KSR1: variants seen among roughly 807,000 people sequenced by gnomAD.
The protein encoded by KSR1 is kinase suppressor of ras 1.
KSR1 carries 35 observed loss-of-function variants against 92.9 expected under a neutral mutation model. The ratio of observed to expected loss-of-function variants is 0.38; its 90% confidence interval spans 0.29 to 0.50. The LOEUF (loss-of-function observed/expected upper bound fraction) is 0.50, where lower values mean the gene tolerates loss of function less well. KSR1 is among the 20% of genes least tolerant of loss of function. The pLI is 0.94. For synonymous variants in KSR1, 467 were observed against 472.6 expected, an observed-to-expected ratio of 0.99 and a Z score of 0.15; for missense variants, 972 against 1,158.5, an observed-to-expected ratio of 0.84 and a Z score of 2.34.
At chr17:27,552,280 G>A (rs565911619) in intron 2 of KSR1, among the ~76,000 whole-genome samples, 5 of 152,314 alleles carry the variant, frequency 3.3e-5, no homozygotes, top group South Asian at 2.1e-4. Flanking sequence ...CATGAGACAC[G>A]GCCTTGCTGT....
At chr17:27,468,982 T>C (rs1199246976) in intron 1 of KSR1, among the ~76,000 whole-genome samples, 1 of 152,214 alleles carries the variant, frequency 6.6e-6, no homozygotes, top group African/African-American at 2.4e-5. Context: ...CCCTTCCTTT[T>C]CCTTGTTGCT....
chr17:27,602,141 G>A (rs993656287), intron 11 of KSR1, among the ~76,000 whole-genome samples: 1 of 152,038 alleles, frequency 6.6e-6, no homozygotes, highest in African/African-American at 2.4e-5. Context: ...GAACAGGACT[G>A]TCTTGAAGTC....
At chr17:27,532,710 A>T (rs952854662) in intron 1 of KSR1, among the ~76,000 whole-genome samples, 2 of 152,174 alleles carry the variant, frequency 1.3e-5, no homozygotes, top group Admixed American at 1.3e-4. Context: ...ACTCTCTCCC[A>T]GGCGCTGCTT....
At chr17:27,550,933 C>T (rs771575471) in intron 2 of KSR1, among the ~76,000 whole-genome samples, 3 of 152,166 alleles carry the variant, frequency 2.0e-5, no homozygotes, top group Non-Finnish European at 2.9e-5. Context: ...GGCAGCCCCA[C>T]GCTGGGCATT....
intron 6 of KSR1, 102 bp from the exon 7 acceptor site, chr17:27,590,709 G>A (rs2073135009): frequency 1.8e-6 from 2 of 1,092,098 alleles, no homozygotes; most frequent in South Asian, 1.4e-5. Context: ...CTGGGATGGA[G>A]CCAAGACTCC....
rs2073777362 is a variant in KSR1 at position 27,607,059 on chromosome 17, T to C, written c.1995-855T>C. 1.3e-5 allele frequency among the ~76,000 whole-genome samples: 2 copies of C among 152,122 alleles called. 1 individual carries two copies. The highest frequency in any genetic ancestry group is 4.1e-4 in the South Asian group (2 of 4,826). On this transcript the variant is annotated intron_variant, in intron 14 of 20. Coordinates refer to ENST00000644974, the MANE Select transcript of KSR1 (RefSeq NM_001394583.1). ...GTTGGCCAGGCTGGTCTCAAACTCTTGACCTGAGGTGATCCGCCCACCTCA... is the reference window on the plus strand; with the variant it reads ...GTTGGCCAGGCTGGTCTCAAACTCTCGACCTGAGGTGATCCGCCCACCTCA...
chr17:27,591,161 G>A (rs1567863169), intron 7 of KSR1, among the ~76,000 whole-genome samples: 1 of 152,188 alleles, frequency 6.6e-6, no homozygotes, highest in African/African-American at 2.4e-5. Flanking sequence ...GGAGGAATAT[G>A]AGGACTGTTC....
chr17:27,566,573 G>A, intron 2 of KSR1: 1 of 399,144 alleles, frequency 2.5e-6, no homozygotes, highest in Non-Finnish European at 4.4e-6. Flanking sequence ...AGGATTATGA[G>A]GTAGGCACGG....
intron 1 of KSR1, among the ~76,000 whole-genome samples, chr17:27,538,859 G>A (rs1205252277): frequency 6.6e-6 from 1 of 152,190 alleles, no homozygotes; most frequent in Non-Finnish European, 1.5e-5. Flanking sequence ...CCTTGCCCCT[G>A]TCCAGCCCTT....
chr17:27,618,836 T>C (rs987487612), intron 19 of KSR1, among the ~76,000 whole-genome samples: 1 of 152,184 alleles, frequency 6.6e-6, no homozygotes, highest in Non-Finnish European at 1.5e-5. Context: ...AAGAATAGTT[T>C]TAACTTTCTG....
At chr17:27,512,488 C>T (rs560467852) in intron 1 of KSR1, among the ~76,000 whole-genome samples, 4 of 152,088 alleles carry the variant, frequency 2.6e-5, no homozygotes, top group Non-Finnish European at 4.4e-5. Flanking sequence ...TTTGGGAGGC[C>T]GAGGCAGGTG....
At chr17:27,569,692 G>A (rs2072231557) in intron 2 of KSR1, among the ~76,000 whole-genome samples, 1 of 152,232 alleles carries the variant, frequency 6.6e-6, no homozygotes, top group Admixed American at 6.5e-5. Context: ...TTTTATGGGA[G>A]CACAGCCACA....
chr17:27,526,483 A>G (rs1231612869), intron 1 of KSR1: 6 of 1,598,506 alleles, frequency 3.8e-6, no homozygotes, highest in Non-Finnish European at 5.1e-6. Flanking sequence ...CTCTTTATTG[A>G]GAACTTCATT....
chr17:27,571,489 C>T lies in KSR1; in HGVS notation c.373-6003C>T, dbSNP rs542503938. Among the ~76,000 whole-genome samples the T allele has an allele frequency of 5.3e-5, 8 of 152,344 alleles. No individual in the cohort carries two copies. In the South Asian group the frequency reaches 8.3e-4, roughly 16 times the overall value. The stretch of plus-strand genomic sequence containing the variant: ...CTCTCTCTCTCTCTCCTTCCAGCCC[C>T]GCTGGGCTCTGGCCTCAGAGGGATG... On this transcript the variant is annotated intron_variant, in intron 2 of 20. Transcript: ENST00000644974.
At chr17:27,601,325 C>CTG (rs1430761505) in intron 10 of KSR1, 35 bp from the exon 11 acceptor site, 4 of 1,597,554 alleles carry the variant, frequency 2.5e-6, no homozygotes, top group South Asian at 1.1e-5. Context: ...GTTGGCCGTT[C>CTG]TGTGTGTGTG....
chr17:27,583,661 C>G (rs1209625014), intron 4 of KSR1, among the ~76,000 whole-genome samples: 1 of 152,266 alleles, frequency 6.6e-6, no homozygotes, highest in African/African-American at 2.4e-5. Context: ...GCAGAAACCA[C>G]TAGTGACTGT....
In KSR1 at chr17:27,600,711, A is replaced by G. The variant is rs56891749; in HGVS notation, c.1469-649A>G. 3.2e-3 allele frequency among the ~76,000 whole-genome samples: 483 copies of G among 152,320 alleles called. 7 individuals are homozygous for G. The highest frequency in any genetic ancestry group is 0.011 in the African/African-American group (458 of 41,556). On this transcript the variant is annotated intron_variant, in intron 10 of 20. Coordinates refer to ENST00000644974, the MANE Select transcript of KSR1 (RefSeq NM_001394583.1). ...GGAATTTTCCCACTCCATTATAATT[A>G]GGGCCACCGTCATGTATGTGGTCCC...
intron 2 of KSR1, among the ~76,000 whole-genome samples, chr17:27,561,226 A>T (rs1270287247): frequency 6.6e-6 from 1 of 152,206 alleles, no homozygotes; most frequent in East Asian, 1.9e-4. Context: ...CAATTTTGTC[A>T]TCTAATATCT....
chr17:27,598,230 G>T (rs1018598962), intron 10 of KSR1, among the ~76,000 whole-genome samples: 2 of 152,140 alleles, frequency 1.3e-5, no homozygotes, highest in South Asian at 2.1e-4. Flanking sequence ...ATTACAGTTC[G>T]CAGTCCCAGA....
Sources: allele counts gnomAD v4.1 joint callset (sites outside exome capture counted in the v4.1 genomes callset), GRCh38; gene constraint gnomAD v4.1.1; transcripts MANE v1.5; gene names NCBI Gene and HGNC (gene_info 2026-07-23, HGNC 2026-07-21).